The following SBF2 variants were observed in gnomAD, a reference collection of about 807,000 sequenced individuals.
The protein encoded by SBF2 is myotubularin-related protein 13.
Under a neutral mutation model 225.2 loss-of-function variants are expected in SBF2, and 112 were observed. That is an observed-to-expected ratio of 0.50 (90% CI 0.43 to 0.58). The LOEUF is 0.58. SBF2 is among the 20% of genes least tolerant of loss of function. The pLI is 0.00. For missense variants in SBF2, 1,996 were observed against 2,206.2 expected (o/e 0.90, Z 1.91); for synonymous variants, 763 against 773.3 (o/e 0.99, Z 0.22).
intron 17 of SBF2, among the ~76,000 whole-genome samples, chr11:9,887,765 A>G (rs1390670333): frequency 6.6e-6 from 1 of 152,070 alleles, no homozygotes; most frequent in Non-Finnish European, 1.5e-5. Context: ...TACAGCAGAA[A>G]AAAACGATGA....
chr11:9,876,425 G>A (rs1859245337), intron 17 of SBF2, among the ~76,000 whole-genome samples: 1 of 152,130 alleles, frequency 6.6e-6, no homozygotes, highest in Admixed American at 6.5e-5. Flanking sequence ...CATATTTGTA[G>A]TAAGGAAGTA....
intron 1 of SBF2, among the ~76,000 whole-genome samples, chr11:10,277,056 A>AC (rs1963005256): frequency 6.8e-6 from 1 of 146,202 alleles, no homozygotes; most frequent in African/African-American, 2.6e-5. Context: ...ACATAGGGAG[A>AC]CCCCATCTCT....
At chr11:10,162,813 C>T (rs1225004459) in intron 2 of SBF2, among the ~76,000 whole-genome samples, 1 of 152,028 alleles carries the variant, frequency 6.6e-6, no homozygotes, top group African/African-American at 2.4e-5. Flanking sequence ...AACTATATGA[C>T]CTTTACAGAT....
At chr11:9,782,599 G>A (rs187053958) in intron 38 of SBF2, among the ~76,000 whole-genome samples, 212 of 152,282 alleles carry the variant, frequency 1.4e-3, no homozygotes, top group African/African-American at 4.8e-3. Flanking sequence ...GGCCGGGCAC[G>A]GTTGCTCATG....
intron 2 of SBF2, among the ~76,000 whole-genome samples, chr11:10,129,100 C>CTTTTT (rs757476668): frequency 3.9e-4 from 35 of 89,954 alleles, no homozygotes; most frequent in Non-Finnish European, 4.8e-4. Flanking sequence ...AATTTTCTCT[C>CTTTTT]TTTTTTTTTT....
intron 17 of SBF2, among the ~76,000 whole-genome samples, chr11:9,880,528 C>T (rs1390009217): frequency 6.6e-6 from 1 of 152,270 alleles, no homozygotes; most frequent in East Asian, 1.9e-4. Flanking sequence ...GTAACTTCTG[C>T]TACCTCTATG....
At chr11:10,000,125 T>A (rs1308960332) in intron 8 of SBF2, among the ~76,000 whole-genome samples, 1 of 152,214 alleles carries the variant, frequency 6.6e-6, no homozygotes, top group Non-Finnish European at 1.5e-5. Context: ...TTGGAAACAC[T>A]TTTACTGGGC....
chr11:10,033,674 A>ACACACACG (rs1369037526), intron 3 of SBF2, among the ~76,000 whole-genome samples: 1 of 151,946 alleles, frequency 6.6e-6, no homozygotes, highest in Non-Finnish European at 1.5e-5. Flanking sequence ...ACACACACAC[A>ACACACACG]CACACACACA....
rs1324669620 is a variant in SBF2, at chr11:9,978,359, T to C, written c.1396-9814A>G. On this transcript the variant is annotated intron_variant, in intron 13 of 39. Transcript: ENST00000256190. ...TGGGACAGTCACAAATTCTTACTTG[T>C]CATGTCTGTGTATCCTTTTCTGAAG... Among the ~76,000 whole-genome samples the C allele has an allele frequency of 3.9e-5, 6 of 152,328 alleles. No homozygotes were observed. The East Asian group carries it at 1.2e-3, about 29-fold the overall frequency.
At chr11:9,827,532 TAAAA>T (rs36082411) in intron 28 of SBF2, among the ~76,000 whole-genome samples, 2 of 146,020 alleles carry the variant, frequency 1.4e-5, no homozygotes, top group Admixed American at 6.8e-5. Flanking sequence ...GACTCTGTCT[TAAAA>T]AAAAAAAAAA....
chr11:10,065,773 C>A (rs1395389685), intron 2 of SBF2, among the ~76,000 whole-genome samples: 2 of 152,192 alleles, frequency 1.3e-5, no homozygotes. Flanking sequence ...CATGGTGAAA[C>A]CCCGTCTCTA....
At chr11:10,172,940 C>A (rs1591128413) in intron 2 of SBF2, among the ~76,000 whole-genome samples, 1 of 152,130 alleles carries the variant, frequency 6.6e-6, no homozygotes, top group Admixed American at 6.5e-5. Context: ...AGTGCTGGGA[C>A]TACAGGCATG....
At chr11:10,253,188 G>T (rs1024432940) in intron 1 of SBF2, among the ~76,000 whole-genome samples, 1 of 143,668 alleles carries the variant, frequency 7.0e-6, no homozygotes, top group African/African-American at 2.5e-5. Flanking sequence ...AAAGAAAAAT[G>T]ATAGCAGGAA....
At chr11:9,825,239 T>A (rs1158144275) in intron 28 of SBF2, among the ~76,000 whole-genome samples, 1 of 152,038 alleles carries the variant, frequency 6.6e-6, no homozygotes, top group Non-Finnish European at 1.5e-5. Context: ...GAGAATGCCA[T>A]GTGAAGATGA....
In SBF2 at chr11:10,292,873, T is replaced by C. The variant is rs1052510363; in HGVS notation, c.55+1142A>G. ...AACATTTAAACTTTCTCTTTAACAATTGACCTCAATCAGGTCATGACTGGT... is the reference window on the plus strand; with the variant it reads ...AACATTTAAACTTTCTCTTTAACAACTGACCTCAATCAGGTCATGACTGGT... On this transcript the variant is annotated intron_variant, in intron 1 of 39. Coordinates refer to ENST00000256190, the MANE Select transcript of SBF2 (RefSeq NM_030962.4). Among the ~76,000 whole-genome samples the C allele has an allele frequency of 3.4e-4, 52 of 152,220 alleles. 1 individual carries two copies. Among genetic ancestry groups the C allele is most frequent in the Admixed American group, 1.9e-3 (29 of 15,302 alleles).
intron 10 of SBF2, 38 bp downstream of exon 10, chr11:9,993,883 T>A: frequency 6.7e-7 from 1 of 1,484,158 alleles, no homozygotes; most frequent in Non-Finnish European, 9.4e-7. Flanking sequence ...AATACAGCTC[T>A]CTTTAACAGC....
At chr11:10,253,397 T>C (rs1460307567) in intron 1 of SBF2, among the ~76,000 whole-genome samples, 1 of 152,198 alleles carries the variant, frequency 6.6e-6, no homozygotes, top group Non-Finnish European at 1.5e-5. Context: ...GTAAGAACTA[T>C]ATAAAATCAA....
chr11:10,244,452 C>T (rs558613679), intron 1 of SBF2, among the ~76,000 whole-genome samples: 2 of 152,330 alleles, frequency 1.3e-5, no homozygotes, highest in South Asian at 4.1e-4. Flanking sequence ...TCTAGGTACT[C>T]TATTCTGCTC....
At position 9,860,261 on chromosome 11, in the gene SBF2, GTTTTTTTT is replaced by G. The variant is rs66485704; in HGVS notation, c.1930-1873_1930-1866del. On this transcript the variant is annotated intron_variant, in intron 17 of 39. Coordinates refer to ENST00000256190, the MANE Select transcript of SBF2 (RefSeq NM_030962.4). Reference sequence around the variant, plus strand: ...CAGTACACAAGCCTATTTTGAAACAGTTTTTTTTTTTTTTTTTTTGAGACAAGGTCTGG... The same window carrying G: ...CAGTACACAAGCCTATTTTGAAACAGTTTTTTTTTTTGAGACAAGGTCTGG... 8.7e-3 allele frequency among the ~76,000 whole-genome samples: 1,108 copies of G among 127,386 alleles called. 7 individuals carry two copies. The highest frequency in any genetic ancestry group is 0.032 in the African/African-American group (1,073 of 34,000). 83.6% of individuals were successfully genotyped at this position (127,386 alleles called of 152,430 possible).
Sources: allele counts gnomAD v4.1 joint callset (sites outside exome capture counted in the v4.1 genomes callset), GRCh38; gene constraint gnomAD v4.1.1; transcripts MANE v1.5; gene names NCBI Gene and HGNC (gene_info 2026-07-23, HGNC 2026-07-21).